ARL15: variants seen among roughly 807,000 people sequenced by gnomAD.
ARL15 encodes ARF like GTPase 15, also known as ADP-ribosylation factor-like protein 15.
A neutral mutation model predicts 25.2 loss-of-function variants in ARL15; 19 were observed. The observed-to-expected ratio is 0.75, with a 90% CI of 0.53 to 1.10. The LOEUF is 1.10. Ranked by LOEUF, ARL15 falls within the 50% of genes least tolerant of loss-of-function variation. The probability of loss-of-function intolerance (pLI) is 0.00; values close to 1 mark genes in which losing one functional copy is unlikely to be tolerated. For missense variants in ARL15, 220 were observed against 246.0 expected, an observed-to-expected ratio of 0.89 and a Z score of 0.71; for synonymous variants, 94 against 86.8, an observed-to-expected ratio of 1.08 and a Z score of -0.46.
intron 1 of ARL15, among the ~76,000 whole-genome samples, chr5:54,197,924 G>C (rs1755599841): frequency 6.6e-6 from 1 of 152,046 alleles, no homozygotes; most frequent in African/African-American, 2.4e-5. Flanking sequence ...GAATCCAGCA[G>C]CATATCAAAA....
chr5:54,142,775 A>C (rs190102116), intron 3 of ARL15, among the ~76,000 whole-genome samples: 25 of 152,346 alleles, frequency 1.6e-4, no homozygotes, highest in Admixed American at 1.6e-3. Context: ...TGAAAAAAAA[A>C]TCCAATTTAC....
intron 1 of ARL15, among the ~76,000 whole-genome samples, chr5:54,238,058 A>T (rs1306785278): frequency 6.6e-6 from 1 of 152,208 alleles, no homozygotes; most frequent in East Asian, 1.9e-4. Context: ...AGGGAAGAGC[A>T]TTCAAAGGAT....
chr5:54,299,665 C>T (rs1758564727), intron 1 of ARL15, among the ~76,000 whole-genome samples: 1 of 140,148 alleles, frequency 7.1e-6, no homozygotes, highest in African/African-American at 2.7e-5. Context: ...TCTCGGCTCA[C>T]TGCAATCTCC....
At chr5:54,247,522 C>T (rs1299789503) in intron 1 of ARL15, among the ~76,000 whole-genome samples, 2 of 151,232 alleles carry the variant, frequency 1.3e-5, no homozygotes, top group African/African-American at 4.9e-5. Context: ...GTCCCATTTC[C>T]TCTGCAAAGC....
intron 4 of ARL15, among the ~76,000 whole-genome samples, chr5:54,022,259 G>A (rs941442858): frequency 3.3e-5 from 5 of 152,220 alleles, no homozygotes; most frequent in Middle Eastern, 3.4e-3. Context: ...AGGAAACAAT[G>A]TCCCAAAGTA....
At chr5:54,030,436 A>G (rs1183829636) in intron 4 of ARL15, among the ~76,000 whole-genome samples, 1 of 152,218 alleles carries the variant, frequency 6.6e-6, no homozygotes, top group Non-Finnish European at 1.5e-5. Flanking sequence ...TCAGAATTTA[A>G]AAGTCTTTTC....
intron 4 of ARL15, among the ~76,000 whole-genome samples, chr5:54,076,376 G>T (rs542091633): frequency 1.1e-3 from 165 of 150,836 alleles, no homozygotes; most frequent in African/African-American, 3.8e-3. Flanking sequence ...AGCTGAGATC[G>T]CGCCACTGCA....
intron 2 of ARL15, among the ~76,000 whole-genome samples, chr5:54,170,990 T>A (rs1381106866): frequency 6.6e-6 from 1 of 152,218 alleles, no homozygotes; most frequent in Non-Finnish European, 1.5e-5. Flanking sequence ...CTCTTACAGC[T>A]GTTCTTCCAT....
chr5:54,063,008 T>C (rs1264408049), intron 4 of ARL15, among the ~76,000 whole-genome samples: 1 of 152,214 alleles, frequency 6.6e-6, no homozygotes, highest in Non-Finnish European at 1.5e-5. Context: ...TTCCCCATTG[T>C]GCAATCTAAT....
At chr5:54,278,909 T>A (rs2112662593) in intron 1 of ARL15, among the ~76,000 whole-genome samples, 1 of 152,334 alleles carries the variant, frequency 6.6e-6, no homozygotes, top group East Asian at 1.9e-4. Flanking sequence ...TACCTGTATA[T>A]CACACACTTA....
chr5:54,283,706 G>C (rs1483638847), intron 1 of ARL15, among the ~76,000 whole-genome samples: 1 of 152,202 alleles, frequency 6.6e-6, no homozygotes, highest in Non-Finnish European at 1.5e-5. Context: ...AATAGTGAAT[G>C]ACTGAACAAC....
chr5:54,115,020 C>G (rs1752857591), intron 3 of ARL15, among the ~76,000 whole-genome samples: 1 of 152,170 alleles, frequency 6.6e-6, no homozygotes, highest in African/African-American at 2.4e-5. Flanking sequence ...GCAAGGGTCA[C>G]CTGTTTGCTT....
At chr5:54,168,146 A>G (rs1310944205) in intron 2 of ARL15, among the ~76,000 whole-genome samples, 2 of 152,238 alleles carry the variant, frequency 1.3e-5, no homozygotes, top group Non-Finnish European at 2.9e-5. Context: ...TGGCAGTCAC[A>G]TAACAGACAT....
At chr5:54,130,878 T>C (rs1753407276) in intron 3 of ARL15, among the ~76,000 whole-genome samples, 1 of 152,178 alleles carries the variant, frequency 6.6e-6, no homozygotes, top group Non-Finnish European at 1.5e-5. Context: ...TAGGAACCTA[T>C]TTGGCACATC....
At chr5:54,205,662 T>C (rs1755848106) in intron 1 of ARL15, among the ~76,000 whole-genome samples, 1 of 152,202 alleles carries the variant, frequency 6.6e-6, no homozygotes, top group African/African-American at 2.4e-5. Context: ...GATTAATCAT[T>C]CAACAAATCT....
At position 54,171,932 on chromosome 5, in the gene ARL15, C is replaced by A. The variant is rs1168522726; in HGVS notation, c.49-4G>T. 7.5e-6 allele frequency: 12 copies of A among 1,598,230 alleles called. No homozygotes were observed. The highest frequency in any genetic ancestry group is 1.7e-5 in the Admixed American group (1 of 58,656). On this transcript the variant is annotated splice_region_variant and splice_polypyrimidine_tract_variant and intron_variant, in intron 1 of 4. Coordinates refer to ENST00000504924, the MANE Select transcript of ARL15 (RefSeq NM_019087.3). ...TGCAGCAAAGTGCTCTAAAACACTG[C>A]CAAAAGAAGGGGAAAAAAATGTTCC...
chr5:53,979,540 A>G (rs76027714), intron 4 of ARL15, among the ~76,000 whole-genome samples: 6,953 of 152,180 alleles, frequency 0.046, 220 homozygotes, highest in Non-Finnish European at 0.073. Flanking sequence ...ACCTTGTCTC[A>G]AAACAAAACC....
At chr5:54,090,202 T>C (rs1752090162) in intron 4 of ARL15, among the ~76,000 whole-genome samples, 1 of 152,114 alleles carries the variant, frequency 6.6e-6, no homozygotes, top group Non-Finnish European at 1.5e-5. Flanking sequence ...ATAAATCAAT[T>C]GTGATACACT....
chr5:53,985,460 C>T (rs1044453430), intron 4 of ARL15, among the ~76,000 whole-genome samples: 1 of 152,016 alleles, frequency 6.6e-6, no homozygotes, highest in Non-Finnish European at 1.5e-5. Flanking sequence ...AACAGTAATT[C>T]CTCATTTATT....
Sources: allele counts gnomAD v4.1 joint callset (sites outside exome capture counted in the v4.1 genomes callset), GRCh38; gene constraint gnomAD v4.1.1; transcripts MANE v1.5; gene names NCBI Gene and HGNC (gene_info 2026-07-23, HGNC 2026-07-21).